CDC14A: variants seen among roughly 807,000 people sequenced by gnomAD.
CDC14A encodes dual specificity protein phosphatase CDC14A.
CDC14A carries 53 observed loss-of-function variants against 74.4 expected under a neutral mutation model. The observed-to-expected ratio is 0.71, with a 90% CI of 0.57 to 0.89. The LOEUF (loss-of-function observed/expected upper bound fraction) is 0.89. CDC14A is among the 40% of genes least tolerant of loss of function. The probability of loss-of-function intolerance (pLI) is 0.00; values close to 1 mark genes in which losing one functional copy is unlikely to be tolerated. For missense variants in CDC14A, 646 were observed against 713.7 expected (o/e 0.91, Z 1.08); for synonymous variants, 247 against 258.4 (o/e 0.96, Z 0.43).
chr1:100,419,461 A>G (rs562709864), intron 4 of CDC14A, among the ~76,000 whole-genome samples: 1 of 152,352 alleles, frequency 6.6e-6, no homozygotes, highest in African/African-American at 2.4e-5. Context: ...GCCCACCCCC[A>G]TCCTCAATTG....
chr1:100,413,621 C>T lies in CDC14A; in HGVS notation c.310-10601C>T, dbSNP rs143855782. ...TTGCCATAAGTACATGGGAAGCAACCCCCACAAGTTTGGTTCCATCCCTGG... is the reference window on the plus strand; with the variant it reads ...TTGCCATAAGTACATGGGAAGCAACTCCCACAAGTTTGGTTCCATCCCTGG... On this transcript the variant is annotated intron_variant, in intron 4 of 15. Coordinates refer to ENST00000336454, the MANE Select transcript of CDC14A (RefSeq NM_003672.4). Among the ~76,000 whole-genome samples the T allele has an allele frequency of 6.3e-4, 96 of 152,278 alleles. 2 individuals are homozygous for T. In the East Asian group the frequency reaches 0.013, roughly 20 times the overall value.
intron 1 of CDC14A, among the ~76,000 whole-genome samples, chr1:100,346,631 C>CAAA (rs200477363): frequency 1.8e-4 from 14 of 77,954 alleles, no homozygotes; most frequent in African/African-American, 5.8e-4. Context: ...GACTCTGTCT[C>CAAA]AAAAAAAAAA....
At chr1:100,412,188 A>T (rs1479584335) in intron 4 of CDC14A, among the ~76,000 whole-genome samples, 1 of 152,194 alleles carries the variant, frequency 6.6e-6, no homozygotes, top group Non-Finnish European at 1.5e-5. Flanking sequence ...CTCACCTTTT[A>T]GAATGTCACT....
chr1:100,428,443 G>A (rs2101091101), intron 5 of CDC14A, among the ~76,000 whole-genome samples: 1 of 152,284 alleles, frequency 6.6e-6, no homozygotes, highest in Non-Finnish European at 1.5e-5. Flanking sequence ...TGTTGGCTTG[G>A]CAGTTAGCCT....
At chr1:100,406,437 A>G (rs1397595345) in intron 4 of CDC14A, among the ~76,000 whole-genome samples, 2 of 152,128 alleles carry the variant, frequency 1.3e-5, no homozygotes, top group African/African-American at 4.8e-5. Flanking sequence ...TGGTATTTTC[A>G]TCATGAAGTC....
At chr1:100,377,682 C>A in intron 3 of CDC14A, 61 bp downstream of exon 3, 3 of 1,268,430 alleles carry the variant, frequency 2.4e-6, no homozygotes, top group East Asian at 2.3e-5. Flanking sequence ...AGGATCTGCT[C>A]AGTGGGGTTG....
chr1:100,407,961 T>C (rs1349811876), intron 4 of CDC14A, among the ~76,000 whole-genome samples: 1 of 152,190 alleles, frequency 6.6e-6, no homozygotes, highest in Non-Finnish European at 1.5e-5. Context: ...GCAGGTTTGT[T>C]GTAGAGGTAA....
chr1:100,399,072 C>T (rs1375716946), intron 4 of CDC14A, among the ~76,000 whole-genome samples: 1 of 151,630 alleles, frequency 6.6e-6, no homozygotes, highest in Non-Finnish European at 1.5e-5. Context: ...GTTTTTTTCC[C>T]TTACAATTAA....
At chr1:100,372,959 T>C (rs1017557333) in intron 2 of CDC14A, among the ~76,000 whole-genome samples, 7 of 152,344 alleles carry the variant, frequency 4.6e-5, no homozygotes, top group Admixed American at 3.9e-4. Flanking sequence ...TTTCTCCATA[T>C]CAGCAATAAA....
At chr1:100,506,476 G>A (rs1027284536) in intron 15 of CDC14A, among the ~76,000 whole-genome samples, 1 of 152,266 alleles carries the variant, frequency 6.6e-6, no homozygotes, top group South Asian at 2.1e-4. Context: ...ATTGTTATGA[G>A]GTCAGCATGG....
intron 4 of CDC14A, among the ~76,000 whole-genome samples, chr1:100,423,333 C>G (rs1279398686): frequency 6.6e-6 from 1 of 152,152 alleles, no homozygotes; most frequent in East Asian, 1.9e-4. Context: ...TGTGGTTCTC[C>G]CCATCTAGAG....
At chr1:100,440,065 C>A in intron 6 of CDC14A, 67 bp downstream of exon 6, 2 of 1,165,586 alleles carry the variant, frequency 1.7e-6, no homozygotes, top group South Asian at 1.3e-5. Context: ...GGAATAATCT[C>A]AACATCCTTA....
At chr1:100,495,646 A>G (rs1215007182) in intron 12 of CDC14A, among the ~76,000 whole-genome samples, 1 of 152,248 alleles carries the variant, frequency 6.6e-6, no homozygotes, top group Non-Finnish European at 1.5e-5. Flanking sequence ...AGAGATACAC[A>G]TAGCAGAAGG....
intron 5 of CDC14A, among the ~76,000 whole-genome samples, chr1:100,437,940 A>G (rs956640122): frequency 3.3e-5 from 5 of 152,174 alleles, no homozygotes; most frequent in Admixed American, 6.5e-5. Context: ...GTAGTTTTTA[A>G]TCTAGGGTCT....
At chr1:100,349,001 C>CCTG (rs1205437256), upstream of CDC14A, among the ~76,000 whole-genome samples, 1 of 152,142 alleles carries the variant, frequency 6.6e-6, no homozygotes, top group East Asian at 1.9e-4. Context: ...TTGAGACCAG[C>CCTG]CTGGCCAACA....
intron 4 of CDC14A, 76 bp from the exon 5 acceptor site, chr1:100,424,146 T>G: frequency 9.3e-7 from 1 of 1,077,702 alleles, no homozygotes. Flanking sequence ...GTGGAGGAAG[T>G]GAAATGCAAA....
At chr1:100,460,458 T>C (rs974909960) in intron 8 of CDC14A, among the ~76,000 whole-genome samples, 2 of 152,154 alleles carry the variant, frequency 1.3e-5, no homozygotes, top group Non-Finnish European at 2.9e-5. Flanking sequence ...GTCCCAGGCA[T>C]GCTAGCAACC....
At chr1:100,506,130 T>G (rs1014141985) in intron 15 of CDC14A, among the ~76,000 whole-genome samples, 5 of 152,286 alleles carry the variant, frequency 3.3e-5, no homozygotes, top group Middle Eastern at 6.8e-3. Flanking sequence ...AACAGGACAT[T>G]TGGAGGGGAT....
intron 4 of CDC14A, among the ~76,000 whole-genome samples, chr1:100,414,296 C>T (rs1399070917): frequency 6.6e-6 from 1 of 152,158 alleles, no homozygotes. Context: ...TAGACCCCAT[C>T]TCTACTTTAA....
Sources: gnomAD v4.1 joint callset for allele counts (sites outside exome capture counted in the v4.1 genomes callset) on GRCh38, gnomAD v4.1.1 for gene constraint, MANE v1.5 for transcripts, NCBI Gene and HGNC (gene_info 2026-07-23, HGNC 2026-07-21) for gene names.